UCHL3: variants seen among roughly 807,000 people sequenced by gnomAD.
The protein encoded by UCHL3 is ubiquitin carboxyl-terminal hydrolase isozyme L3.
A neutral mutation model predicts 35.8 loss-of-function variants in UCHL3; 22 were observed. The ratio of observed to expected loss-of-function variants is 0.61; its 90% CI spans 0.44 to 0.88. The LOEUF is 0.88. Among genes scored for constraint, UCHL3 ranks in the 40% least tolerant of loss-of-function variants. UCHL3 has a pLI of 0.00. For synonymous variants in UCHL3, 90 were observed against 92.8 expected (o/e 0.97, Z 0.17); for missense variants, 229 against 276.9 (o/e 0.83, Z 1.23).
At chr13:75,575,321 C>T (rs139438599) in intron 6 of UCHL3, among the ~76,000 whole-genome samples, 1 of 152,276 alleles carries the variant, frequency 6.6e-6, no homozygotes, top group Non-Finnish European at 1.5e-5. Context: ...TTAACTTACA[C>T]TGAAAGGTAT....
chr13:75,567,429 C>A, intron 5 of UCHL3, 117 bp downstream of exon 5: 2 of 859,220 alleles, frequency 2.3e-6, no homozygotes, highest in East Asian at 5.2e-5. Context: ...TTTATTGTAT[C>A]CATTAAGAAA....
chr13:75,588,224 C>T (rs1157556372), intron 6 of UCHL3, among the ~76,000 whole-genome samples: 2 of 152,064 alleles, frequency 1.3e-5, no homozygotes, highest in Non-Finnish European at 2.9e-5. Flanking sequence ...CCCATTTCAC[C>T]CATCCCAACT....
Position 75,556,120 on chromosome 13 carries a change from T to C in UCHL3, c.55-4633T>C, listed in dbSNP as rs576478640. Among the ~76,000 whole-genome samples the C allele has an allele frequency of 5.9e-5, 9 of 152,334 alleles. No individual in the cohort carries two copies. In the East Asian group the frequency reaches 1.7e-3, roughly 29 times the overall value. The stretch of plus-strand genomic sequence containing the variant: ...AATCTATGTCGAGTACAGTGGGCTA[T>C]TACATTATCTTAAATGATCCTTCTT... On this transcript the variant is annotated intron_variant, in intron 2 of 8. Transcript: ENST00000377595.
At chr13:75,592,451 T>TGTATATAC (rs1566228160) in intron 6 of UCHL3, among the ~76,000 whole-genome samples, 2 of 81,576 alleles carry the variant, frequency 2.5e-5, no homozygotes, top group Admixed American at 1.3e-4. Flanking sequence ...TATATATATA[T>TGTATATAC]ATATATATAT....
intron 3 of UCHL3, among the ~76,000 whole-genome samples, chr13:75,565,672 G>T (rs1473776482): frequency 6.6e-6 from 1 of 152,168 alleles, no homozygotes; most frequent in Non-Finnish European, 1.5e-5. Flanking sequence ...ATGAAAAGAG[G>T]CAGTGGGCCA....
intron 6 of UCHL3, among the ~76,000 whole-genome samples, chr13:75,570,905 C>G (rs1225463424): frequency 2.0e-5 from 3 of 152,054 alleles, no homozygotes; most frequent in Non-Finnish European, 4.4e-5. Context: ...GAGCAGGACC[C>G]TGTCTCTATA....
chr13:75,583,744 A>T (rs2032248689), intron 6 of UCHL3, among the ~76,000 whole-genome samples: 1 of 152,248 alleles, frequency 6.6e-6, no homozygotes, highest in African/African-American at 2.4e-5. Context: ...AAGGAATAAT[A>T]TGTTGCCATG....
rs115239155 is a variant in UCHL3 at position 75,600,123 on chromosome 13, G to T, written c.551-4646G>T. Reference sequence around the variant, plus strand: ...CATACCTCTTTTCAGTTCTGTTAAGGCTGAGAGAGGTGAGGAAGCTACAGA... The same window carrying T: ...CATACCTCTTTTCAGTTCTGTTAAGTCTGAGAGAGGTGAGGAAGCTACAGA... On this transcript the variant is annotated intron_variant, in intron 7 of 8. Transcript: ENST00000377595. 6.7e-3 allele frequency among the ~76,000 whole-genome samples: 1,021 copies of T among 152,310 alleles called. 9 individuals are homozygous for T. The highest frequency in any genetic ancestry group is 0.022 in the African/African-American group (927 of 41,564).
At chr13:75,555,390 A>G (rs1379202660) in intron 2 of UCHL3, among the ~76,000 whole-genome samples, 2 of 152,238 alleles carry the variant, frequency 1.3e-5, no homozygotes, top group East Asian at 3.8e-4. Context: ...TCTTACCACT[A>G]GAATATAAGT....
At chr13:75,595,434 C>T (rs1179735226) in intron 7 of UCHL3, among the ~76,000 whole-genome samples, 1 of 151,504 alleles carries the variant, frequency 6.6e-6, no homozygotes, top group Non-Finnish European at 1.5e-5. Flanking sequence ...CCCATCTCTA[C>T]TAAAAATGCA....
rs535349329 is a variant in UCHL3 at position 75,549,834 on chromosome 13, G to T, written c.14G>T (p.Arg5Leu). Residue 5 changes from arginine to leucine, a missense_variant, in exon 1 of 9, where the codon CGC becomes CTC. By Grantham distance (102) the Arg-to-Leu change is moderately radical. Transcript: ENST00000377595. MEGQ[R>L]WLPLEANPEV... ...GGCACCGCGGCCATGGAGGGTCAAC[G>T]CTGGCTGCCGCTGGAGGCCAATCCC... is the stretch of plus-strand genomic sequence containing the variant. 1 of 1,596,704 alleles carries T rather than the reference G, an allele frequency of 6.3e-7. No homozygotes were observed. Among genetic ancestry groups the T allele is most frequent in the Non-Finnish European group, 8.5e-7 (1 of 1,172,200 alleles).
intron 6 of UCHL3, among the ~76,000 whole-genome samples, chr13:75,570,649 G>A (rs906856652): frequency 6.6e-6 from 1 of 152,226 alleles, no homozygotes; most frequent in African/African-American, 2.4e-5. Context: ...ACTCACACCT[G>A]TGCAGTCCCA....
In UCHL3 at chr13:75,567,132, A is replaced by C; in HGVS notation, c.341-95A>C. The C allele has an allele frequency of 2.6e-6, 3 of 1,176,418 alleles. No homozygotes were observed. In the South Asian group the frequency reaches 4.2e-5, roughly 17 times the overall value. 72.9% of individuals were successfully genotyped at this position (1,176,418 alleles called of 1,614,324 possible). A position where few individuals can be genotyped will look rare whatever the true frequency, so the allele number is the denominator to read the frequency against. On this transcript the variant is annotated intron_variant, in intron 4 of 8. Coordinates refer to ENST00000377595, the MANE Select transcript of UCHL3 (RefSeq NM_006002.5). ...TTCTAACCTACCAATGAAAGAATTTAACCTGAAAAATAGTAGCATACTTCT... is the reference window on the plus strand; with the variant it reads ...TTCTAACCTACCAATGAAAGAATTTCACCTGAAAAATAGTAGCATACTTCT...
chr13:75,592,446 A>ATACATATATATATATATATATATG (rs36133915), intron 6 of UCHL3, among the ~76,000 whole-genome samples: 1 of 71,072 alleles, frequency 1.4e-5, no homozygotes, highest in Non-Finnish European at 3.2e-5. Flanking sequence ...ATATATATAT[A>ATACATATATATATATATATATATG]TATATATATA....
intron 2 of UCHL3, among the ~76,000 whole-genome samples, chr13:75,558,526 A>C (rs1326355615): frequency 1.2e-4 from 19 of 152,238 alleles, no homozygotes; most frequent in Admixed American, 1.2e-3. Flanking sequence ...AAAATTAACA[A>C]ATAAATTTAA....
intron 2 of UCHL3, among the ~76,000 whole-genome samples, chr13:75,557,221 A>T (rs1255024009): frequency 6.6e-6 from 1 of 152,132 alleles, no homozygotes; most frequent in Non-Finnish European, 1.5e-5. Flanking sequence ...GTCTGAAAAA[A>T]AAAAAGGAAG....
intron 6 of UCHL3, among the ~76,000 whole-genome samples, chr13:75,592,415 C>A (rs1471724899): frequency 2.5e-5 from 1 of 40,684 alleles, no homozygotes; most frequent in African/African-American, 1.3e-4. Context: ...ATTTTTCCTT[C>A]ATATATATAT....
Position 75,560,867 on chromosome 13 carries a change from C to T in UCHL3, c.169C>T (p.Pro57Ser). 1 of 1,515,162 alleles carries T rather than the reference C, an allele frequency of 6.6e-7. No individual in the cohort carries two copies. The highest frequency in any genetic ancestry group is 1.3e-5 in the South Asian group (1 of 77,322). 93.9% of individuals were successfully genotyped at this position (1,515,162 alleles called of 1,614,324 possible). Residue 57 changes from proline to serine, a missense_variant, in exon 3 of 9, where the codon CCT (proline) becomes TCT (serine). Transcript: ENST00000377595. Reference protein sequence around the residue: ...RPVCAVLLLFPITEKYEVFRT... With the variant: ...RPVCAVLLLFSITEKYEVFRT... ...AGTCTGTGCAGTCTTACTTCTCTTT[C>T]CTATTACAGAAAAGGTAATTGTTAT...
chr13:75,550,928 G>T (rs188677141), intron 2 of UCHL3, among the ~76,000 whole-genome samples: 2 of 152,260 alleles, frequency 1.3e-5, no homozygotes, highest in African/African-American at 4.8e-5. Flanking sequence ...ATCTTAGGGA[G>T]GAAACATTTG....
Sources: allele counts gnomAD v4.1 joint callset (sites outside exome capture counted in the v4.1 genomes callset), GRCh38; gene constraint gnomAD v4.1.1; transcripts MANE v1.5; gene names NCBI Gene and HGNC (gene_info 2026-07-23, HGNC 2026-07-21).